KCNIP4: variants seen among roughly 807,000 people sequenced by gnomAD.
The protein encoded by KCNIP4 is potassium voltage-gated channel interacting protein 4.
KCNIP4 carries 12 observed loss-of-function variants against 34.0 expected under a neutral mutation model. The observed-to-expected ratio is 0.35, with a 90% CI of 0.23 to 0.57. The LOEUF is 0.57. Ranked by LOEUF, KCNIP4 falls within the 20% of genes least tolerant of loss-of-function variation. The pLI is 0.83. For synonymous variants in KCNIP4, 124 were observed against 102.2 expected (o/e 1.21, Z -1.29); for missense variants, 238 against 311.7 (o/e 0.76, Z 1.78).
intron 1 of KCNIP4, among the ~76,000 whole-genome samples, chr4:21,024,564 TG>T (rs1408128242): frequency 6.6e-6 from 1 of 152,240 alleles, no homozygotes; most frequent in East Asian, 1.9e-4. Context: ...CATTTTCATA[TG>T]TATATATTTC....
intron 1 of KCNIP4, among the ~76,000 whole-genome samples, chr4:21,447,949 G>T (rs1728175103): frequency 6.6e-6 from 1 of 152,076 alleles, no homozygotes; most frequent in Non-Finnish European, 1.5e-5. Context: ...TTACAAATTG[G>T]TTATTTTTGG....
chr4:20,967,689 C>G (rs1436220896), intron 1 of KCNIP4, among the ~76,000 whole-genome samples: 2 of 152,182 alleles, frequency 1.3e-5, no homozygotes, highest in African/African-American at 2.4e-5. Flanking sequence ...AAGGGATTCC[C>G]TATTTCACAA....
At chr4:21,821,154 T>C (rs906671879) in intron 1 of KCNIP4, among the ~76,000 whole-genome samples, 9 of 152,120 alleles carry the variant, frequency 5.9e-5, no homozygotes, top group Admixed American at 6.6e-5. Flanking sequence ...ATAATATATA[T>C]AGACGCCACT....
At chr4:21,526,349 T>TCCTTCTACCATGATTTTGAGG (rs1258299859) in intron 1 of KCNIP4, among the ~76,000 whole-genome samples, 1 of 152,108 alleles carries the variant, frequency 6.6e-6, no homozygotes, top group Non-Finnish European at 1.5e-5. Flanking sequence ...CCTTTGCTCT[T>TCCTTCTACCATGATTTTGAGG]CCTTCATCTT....
intron 1 of KCNIP4, among the ~76,000 whole-genome samples, chr4:21,100,974 A>G (rs1310728074): frequency 6.6e-6 from 1 of 152,134 alleles, no homozygotes; most frequent in East Asian, 1.9e-4. Context: ...AACCTTCTTA[A>G]AATTTTATCT....
chr4:21,849,255 G>A (rs1560760063), intron 1 of KCNIP4: 1 of 152,080 alleles, frequency 6.6e-6, no homozygotes, highest in Non-Finnish European at 1.5e-5. Flanking sequence ...AAAAAGAATA[G>A]GAGAGTGCTT....
At chr4:21,224,592 T>G (rs1340739319) in intron 1 of KCNIP4, among the ~76,000 whole-genome samples, 1 of 136,486 alleles carries the variant, frequency 7.3e-6, no homozygotes, top group Non-Finnish European at 1.6e-5. Flanking sequence ...TTTTTTTTTT[T>G]TTTTTTTTTT....
At chr4:21,415,436 G>C (rs1724866208) in intron 1 of KCNIP4, among the ~76,000 whole-genome samples, 1 of 151,800 alleles carries the variant, frequency 6.6e-6, no homozygotes, top group Non-Finnish European at 1.5e-5. Flanking sequence ...ATTTAAAAAG[G>C]TAAGGGACAC....
At chr4:21,847,780 A>C (rs959062740) in intron 1 of KCNIP4, 1 of 151,926 alleles carries the variant, frequency 6.6e-6, no homozygotes, top group Admixed American at 6.6e-5. Context: ...CTTTTCTGAC[A>C]CTACATTTAC....
intron 1 of KCNIP4, among the ~76,000 whole-genome samples, chr4:21,237,986 T>C (rs1420950862): frequency 6.6e-6 from 1 of 152,198 alleles, no homozygotes; most frequent in South Asian, 2.1e-4. Flanking sequence ...CTCAATAAAA[T>C]ACTGGCAAAC....
intron 1 of KCNIP4, among the ~76,000 whole-genome samples, chr4:21,349,764 G>T (rs1253378525): frequency 6.6e-6 from 1 of 152,120 alleles, no homozygotes; most frequent in Non-Finnish European, 1.5e-5. Flanking sequence ...AAAATGTGGA[G>T]CAACAAATTG....
chr4:21,697,364 C>T, intron 1 of KCNIP4: 1 of 1,503,990 alleles, frequency 6.6e-7, no homozygotes, highest in Non-Finnish European at 8.8e-7. Context: ...ATGAAGAGAA[C>T]CTGTTAATAG....
At chr4:21,819,784 A>T (rs1224443619) in intron 1 of KCNIP4, among the ~76,000 whole-genome samples, 1 of 152,136 alleles carries the variant, frequency 6.6e-6, no homozygotes, top group Non-Finnish European at 1.5e-5. Context: ...AAAACTATCA[A>T]ATTTATCCTT....
chr4:21,813,508 A>G (rs988622207), intron 1 of KCNIP4, among the ~76,000 whole-genome samples: 30 of 152,312 alleles, frequency 2.0e-4, no homozygotes, highest in Admixed American at 1.3e-4. Flanking sequence ...AACTTGCCCA[A>G]TGGTGACTAA....
intron 1 of KCNIP4, among the ~76,000 whole-genome samples, chr4:21,589,361 CAT>C (rs576437597): frequency 1.4e-5 from 2 of 143,674 alleles, no homozygotes; most frequent in Non-Finnish European, 3.1e-5. Context: ...TATATATGTA[CAT>C]ATATATATAC....
chr4:20,809,968 G>A (rs1715521948), intron 3 of KCNIP4, among the ~76,000 whole-genome samples: 1 of 152,172 alleles, frequency 6.6e-6, no homozygotes, highest in Admixed American at 6.5e-5. Flanking sequence ...GTACTCAGAG[G>A]CAAAGTCAGA....
chr4:21,873,618 C>A (rs1331231891), intron 1 of KCNIP4, among the ~76,000 whole-genome samples: 1 of 152,146 alleles, frequency 6.6e-6, no homozygotes, highest in Non-Finnish European at 1.5e-5. Flanking sequence ...TGGACAAAAT[C>A]ATGAGACTAA....
At position 21,081,727 on chromosome 4, in the gene KCNIP4, A is replaced by G. The variant is rs147623292; in HGVS notation, c.62-199018T>C. The stretch of plus-strand genomic sequence containing the variant: ...TCTTTACTTACATCATATGCATTAT[A>G]TGCCAAATTAATTCTCCTTTGAAAA... On this transcript the variant is annotated intron_variant, in intron 1 of 8. Transcript: ENST00000382152. Among the ~76,000 whole-genome samples the G allele has an allele frequency of 9.5e-4, 145 of 152,012 alleles. 4 individuals carry two copies. The highest frequency in any genetic ancestry group is 3.2e-3 in the African/African-American group (133 of 41,394).
chr4:20,858,211 CAAAAAAAAAAAAAAA>C (rs778798968), intron 2 of KCNIP4, among the ~76,000 whole-genome samples: 27,504 of 71,376 alleles, frequency 0.39, 3,553 homozygotes, highest in Middle Eastern at 0.51. Flanking sequence ...AACTCCATCT[CAAAAAAAAAAAAAAA>C]AAAAAAAAAA....
Sources: allele counts gnomAD v4.1 joint callset (sites outside exome capture counted in the v4.1 genomes callset), GRCh38; gene constraint gnomAD v4.1.1; transcripts MANE v1.5; gene names NCBI Gene and HGNC (gene_info 2026-07-23, HGNC 2026-07-21).